The following HMCN2 variants were observed in gnomAD, a reference collection of about 807,000 sequenced individuals.
The protein encoded by HMCN2 is hemicentin-2.
A neutral mutation model predicts 377.5 loss-of-function variants in HMCN2; 325 were observed. The observed-to-expected ratio is 0.86, with a 90% CI of 0.79 to 0.94. The LOEUF (loss-of-function observed/expected upper bound fraction) is 0.94. Ranked by LOEUF, HMCN2 falls within the 40% of genes least tolerant of loss-of-function variation. The pLI, the probability that HMCN2 is intolerant of heterozygous loss-of-function variation, is 0.00. For synonymous variants in HMCN2, 2,007 were observed against 2,046.8 expected (o/e 0.98, Z 0.53); for missense variants, 4,543 against 4,725.3 (o/e 0.96, Z 1.13).
In HMCN2 at chr9:130,418,921, A is replaced by C. The variant is rs964940181; in HGVS notation, c.13111A>C (p.Thr4371Pro). 6.5e-7 allele frequency: 1 copy of C among 1,547,436 alleles called. No individual in the cohort carries two copies. Among genetic ancestry groups the C allele is most frequent in the African/African-American group, 1.4e-5 (1 of 72,980 alleles). The change falls in exon 86 of 98, where the codon ACC becomes CCC. Residue 4371 changes from threonine (T) to proline (P), a missense_variant. Coordinates refer to ENST00000683500, the MANE Select transcript of HMCN2 (RefSeq NM_001291815.2). ...CTTGCGGGCCAGCCGGCGGCTCCGG[A>C]CCCTGCCCGATGGGAGCCTGTGGCT... ...QPLRASRRLR[T>P]LPDGSLWLEN...
At chr9:130,392,725 C>T (rs555299359) in intron 66 of HMCN2, among the ~76,000 whole-genome samples, 126 of 148,128 alleles carry the variant, frequency 8.5e-4, no homozygotes, top group Middle Eastern at 3.4e-3. Context: ...AGGCCGGGTG[C>T]GGTGGCTCAC....
At chr9:130,391,697 GC>G in intron 65 of HMCN2, 123 bp downstream of exon 65, 1 of 891,870 alleles carries the variant, frequency 1.1e-6, no homozygotes, top group Non-Finnish European at 1.3e-6. Context: ...GGCCTCCATG[GC>G]CCATCCTCAA....
At chr9:130,332,188 G>A (rs1216252276) in intron 22 of HMCN2, among the ~76,000 whole-genome samples, 1 of 152,222 alleles carries the variant, frequency 6.6e-6, no homozygotes, top group African/African-American at 2.4e-5. Flanking sequence ...TTTCTGGTCT[G>A]GTGGCTCTGG....
In HMCN2 at chr9:130,296,758, C is replaced by T. The variant is rs1836184920; in HGVS notation, c.976C>T (p.Leu326=). The T allele has an allele frequency of 4.2e-6, 2 of 471,132 alleles. No individual in the cohort carries two copies. The highest frequency in any genetic ancestry group is 2.0e-5 in the African/African-American group (1 of 50,080). 29.2% of individuals were successfully genotyped at this position (471,132 alleles called of 1,614,324 possible). ...FRAGFSTQPL[L]DLNHTLEWPL... Reference sequence around the variant, plus strand: ...AGCCGGCTTCTCCACTCAGCCCTTGCTGGACCTCAACCACACCCTCGAGTG... The same window carrying T: ...AGCCGGCTTCTCCACTCAGCCCTTGTTGGACCTCAACCACACCCTCGAGTG... The change falls in exon 7 of 98, where the codon CTG becomes TTG. Residue 326 remains leucine (L), a synonymous_variant. Transcript: ENST00000683500.
rs775551057 is a variant in HMCN2 at position 130,375,834 on chromosome 9, G to C, written c.7805-42G>C. On this transcript the variant is annotated intron_variant, in intron 50 of 97. Coordinates refer to ENST00000683500, the MANE Select transcript of HMCN2 (RefSeq NM_001291815.2). Reference sequence around the variant, plus strand: ...AGCCTGTCCTCATGCCTGGCATGAGGCTGCAGATTTGGGGTGACCCTGGCC... The same window carrying C: ...AGCCTGTCCTCATGCCTGGCATGAGCCTGCAGATTTGGGGTGACCCTGGCC... The C allele has an allele frequency of 1.6e-5, 16 of 983,038 alleles. No homozygotes were observed. The Admixed American group carries it at 1.8e-4, about 11-fold the overall frequency. The allele number at this position is 983,038 out of a possible 1,614,324, so 60.9% of individuals were successfully genotyped here. A position where few individuals can be genotyped will look rare whatever the true frequency, so the allele number is the denominator to read the frequency against.
chr9:130,379,137 C>A, intron 53 of HMCN2, 112 bp from the exon 54 acceptor site: 1 of 226,846 alleles, frequency 4.4e-6, no homozygotes, highest in Non-Finnish European at 7.3e-6. Context: ...AAGGGAATGG[C>A]TCAAGTAATG....
rs1266586712 is a variant in HMCN2, at chr9:130,361,774, G to A, written c.5951-234G>A. ...TTCCTGGGTGGTCAGCCTTGGGCAG[G>A]TGACTTCCCCTCTGTCAGCCTCAGT... is the stretch of plus-strand genomic sequence containing the variant. On this transcript the variant is annotated intron_variant, in intron 38 of 97. Coordinates refer to ENST00000683500, the MANE Select transcript of HMCN2 (RefSeq NM_001291815.2). The surrounding 1 kb of genome is among the most constrained non-coding windows in gnomAD (Gnocchi z 4.8). Among the ~76,000 whole-genome samples the A allele has an allele frequency of 6.6e-6, 1 of 152,202 alleles. No individual in the cohort carries two copies. Among genetic ancestry groups the A allele is most frequent in the African/African-American group, 2.4e-5 (1 of 41,440 alleles).
intron 61 of HMCN2, among the ~76,000 whole-genome samples, chr9:130,387,527 C>T (rs1213250317): frequency 6.6e-6 from 1 of 152,230 alleles, no homozygotes; most frequent in Non-Finnish European, 1.5e-5. Flanking sequence ...GCATTTATTT[C>T]ATACAGAAGT....
chr9:130,388,311 C>A, intron 61 of HMCN2, 98 bp from the exon 62 acceptor site: 1 of 822,074 alleles, frequency 1.2e-6, no homozygotes. Context: ...GAACTCCTAA[C>A]TACCAGGAAG....
In HMCN2 at chr9:130,304,789, G is replaced by T. The variant is rs550578913; in HGVS notation, c.1603G>T (p.Val535Phe). 1 of 471,212 alleles carries T rather than the reference G, an allele frequency of 2.1e-6. No individual in the cohort carries two copies. The highest frequency in any genetic ancestry group is 2.3e-5 in the Admixed American group (1 of 42,592). 29.2% of individuals were successfully genotyped at this position (471,212 alleles called of 1,614,324 possible). ...GACCGTGTCCCCAGGGGAGACTGCC[G>T]TCCTATCCTGCCGGGTCCTAGGCGA... Reference protein sequence around the residue: ...NVTVSPGETAVLSCRVLGEAP... With the variant: ...NVTVSPGETAFLSCRVLGEAP... The change falls in exon 11 of 98, where the codon GTC becomes TTC. Residue 535 changes from valine to phenylalanine, a missense_variant. Around this residue, in one of 5 missense-constraint regions of HMCN2, gnomAD observed 547 missense variants for 189.9 expected, o/e 2.88. Transcript: ENST00000683500. This position sits in a 1 kb window ranked among gnomAD's most constrained non-coding sequence, Gnocchi z 4.3.
Position 130,433,531 on chromosome 9 carries a change from C to CAGCCCCTTCGCGCG in HMCN2, c.15091_15092insGAGCCCCTTCGCGC (p.Leu5031ArgfsTer66). The CAGCCCCTTCGCGCG allele has an allele frequency of 6.8e-7, 1 of 1,476,656 alleles. No homozygotes were observed. Among genetic ancestry groups the CAGCCCCTTCGCGCG allele is most frequent in the South Asian group, 1.3e-5 (1 of 75,372 alleles). The allele number at this position is 1,476,656 out of a possible 1,614,324, so 91.5% of individuals were successfully genotyped here. A position where few individuals can be genotyped will look rare whatever the true frequency, so the allele number is the denominator to read the frequency against. Reference sequence around the variant, plus strand: ...TCAGCATGCTGGAGCCCGACCCCCGCAGCCCCTTCGCGCTGCGTCCGCTGC... The same window carrying CAGCCCCTTCGCGCG: ...TCAGCATGCTGGAGCCCGACCCCCGCAGCCCCTTCGCGCGAGCCCCTTCGCGCTGCGTCCGCTGC... On this transcript the variant is annotated frameshift_variant, in exon 98 of 98. Coordinates refer to ENST00000683500, the MANE Select transcript of HMCN2 (RefSeq NM_001291815.2). LOFTEE classifies it high-confidence loss of function.
At chr9:130,421,947 A>T (rs1284630065) in intron 86 of HMCN2, among the ~76,000 whole-genome samples, 1 of 152,236 alleles carries the variant, frequency 6.6e-6, no homozygotes, top group Non-Finnish European at 1.5e-5. Context: ...CTGGAATGCC[A>T]TCTGCCTAAA....
At chr9:130,379,502 T>C (rs1841584499) in intron 54 of HMCN2, 35 bp downstream of exon 54, 1 of 937,144 alleles carries the variant, frequency 1.1e-6, no homozygotes. Flanking sequence ...GTGGGCGCTT[T>C]GAGCTCTCCT....
At chr9:130,381,544 T>G (rs1395586452) in intron 54 of HMCN2, among the ~76,000 whole-genome samples, 1 of 152,164 alleles carries the variant, frequency 6.6e-6, no homozygotes, top group East Asian at 1.9e-4. Context: ...AATTTTTGTA[T>G]TTTTAGTAGA....
intron 25 of HMCN2, among the ~76,000 whole-genome samples, chr9:130,343,161 C>T (rs966891043): frequency 1.1e-4 from 16 of 152,282 alleles, no homozygotes; most frequent in South Asian, 2.1e-4. Context: ...GTGAACCCCA[C>T]GGCCCCACCC....
chr9:130,411,598 C>CAAAAA (rs35719589), intron 85 of HMCN2, among the ~76,000 whole-genome samples: 5 of 97,752 alleles, frequency 5.1e-5, no homozygotes, highest in East Asian at 2.8e-4. Flanking sequence ...GACTCAATCT[C>CAAAAA]AAAAAAAAAA....
chr9:130,283,901 A>C (rs1415778641), intron 1 of HMCN2, among the ~76,000 whole-genome samples: 1 of 103,568 alleles, frequency 9.7e-6, no homozygotes, highest in East Asian at 4.2e-4. Flanking sequence ...TTGTGTGAAC[A>C]TATGTTTTCA....
At chr9:130,359,559 C>A in intron 37 of HMCN2, 145 bp downstream of exon 37, 1 of 362,776 alleles carries the variant, frequency 2.8e-6, no homozygotes. Flanking sequence ...ATGTTCCTCT[C>A]TTCCTCTTCA....
chr9:130,300,859 G>A (rs927909438), intron 8 of HMCN2, among the ~76,000 whole-genome samples: 7 of 152,172 alleles, frequency 4.6e-5, no homozygotes, highest in Admixed American at 3.9e-4. Context: ...TCTGCCCCTG[G>A]TCCTAACAGG....
Sources: allele counts gnomAD v4.1 joint callset (sites outside exome capture counted in the v4.1 genomes callset), GRCh38; gene constraint gnomAD v4.1.1; regional missense constraint gnomAD v4.1.1; non-coding constraint Gnocchi (gnomAD v3.1); transcripts MANE v1.5; gene names NCBI Gene and HGNC (gene_info 2026-07-23, HGNC 2026-07-21).